SEC61A2: variants seen among roughly 807,000 people sequenced by gnomAD.
SEC61A2 encodes the protein protein transport protein Sec61 subunit alpha isoform 2.
In SEC61A2, 28 loss-of-function variants were observed where a neutral mutation model predicts 59.9. The ratio of observed to expected loss-of-function variants is 0.47; its 90% CI spans 0.35 to 0.64. The LOEUF (loss-of-function observed/expected upper bound fraction) is 0.64. SEC61A2 is among the 30% of genes least tolerant of loss of function. SEC61A2 has a pLI of 0.01. For missense variants in SEC61A2, 340 were observed against 585.9 expected, an observed-to-expected ratio of 0.58 and a Z score of 4.33; for synonymous variants, 202 against 214.4, an observed-to-expected ratio of 0.94 and a Z score of 0.50.
chr10:12,147,319 G>C (rs4750172), intron 4 of SEC61A2, among the ~76,000 whole-genome samples: 151,388 of 152,358 alleles, frequency 0.99, 75,224 homozygotes, highest in Middle Eastern at 1. Flanking sequence ...AGACTTTCTT[G>C]CCCAAGATGA....
Position 12,143,330 on chromosome 10 carries a change from T to G in SEC61A2, c.220+135T>G, listed in dbSNP as rs1834064848. On this transcript the variant is annotated intron_variant, in intron 4 of 11. Coordinates refer to ENST00000298428, the MANE Select transcript of SEC61A2 (RefSeq NM_018144.4). This position sits in a 1 kb window ranked among gnomAD's most constrained non-coding sequence, Gnocchi z 4.8. ...CTAGAAAAGCCTAGTATGTAGATAA[T>G]GACAACACCGTGTGATTAATGTAAT... The G allele has an allele frequency of 1.4e-6, 1 of 708,674 alleles. No individual in the cohort carries two copies. Among genetic ancestry groups the G allele is most frequent in the Admixed American group, 2.0e-5 (1 of 49,018 alleles). The allele number at this position is 708,674 out of a possible 1,614,324, so 43.9% of individuals were successfully genotyped here.
chr10:12,168,181 C>T (rs1290508217), downstream of SEC61A2, among the ~76,000 whole-genome samples: 3 of 152,038 alleles, frequency 2.0e-5, no homozygotes, highest in Non-Finnish European at 2.9e-5. The surrounding 1 kb of genome is among the most constrained non-coding windows in gnomAD (Gnocchi z 4.8). Context: ...CACGCCACCA[C>T]GCCCAGCTAA....
At chr10:12,163,007 A>G (rs1296868285) in intron 11 of SEC61A2, among the ~76,000 whole-genome samples, 1 of 152,184 alleles carries the variant, frequency 6.6e-6, no homozygotes, top group Admixed American at 6.5e-5. Flanking sequence ...CAGTTGATAG[A>G]AATCTGGGTT....
rs137961008 is a variant in SEC61A2 at position 12,149,300 on chromosome 10, G to A, written c.221-295G>A. On this transcript the variant is annotated intron_variant, in intron 4 of 11. Transcript: ENST00000298428. This position sits in a 1 kb window ranked among gnomAD's most constrained non-coding sequence, Gnocchi z 5.2. ...AGACGGGGTTTCTCCATGTTGTCCC[G>A]TTGGTCTCGAACTTCTGACCTCAGG... is the stretch of plus-strand genomic sequence containing the variant. Among the ~76,000 whole-genome samples, 9 of 152,132 alleles carry A rather than the reference G, an allele frequency of 5.9e-5. No homozygotes were observed. The highest frequency in any genetic ancestry group is 2.1e-4 in the South Asian group (1 of 4,820).
At chr10:12,136,908 G>A (rs150796369) in intron 3 of SEC61A2, among the ~76,000 whole-genome samples, 326 of 152,312 alleles carry the variant, frequency 2.1e-3, no homozygotes, top group Non-Finnish European at 3.8e-3. Context: ...GGTATTATAG[G>A]CGTGAGCCAC....
intron 6 of SEC61A2, among the ~76,000 whole-genome samples, chr10:12,150,926 C>T (rs958086627): frequency 6.6e-6 from 1 of 152,072 alleles, no homozygotes; most frequent in African/African-American, 2.4e-5. Flanking sequence ...AGGTGCCTGC[C>T]ACCACGCCCA....
At chr10:12,129,658 G>A (rs1337362167), upstream of SEC61A2, 3 of 864,954 alleles carry the variant, frequency 3.5e-6, no homozygotes, top group Non-Finnish European at 5.1e-6. This position sits in a 1 kb window ranked among gnomAD's most constrained non-coding sequence, Gnocchi z 5.6. Context: ...GAGTCTGCGC[G>A]GGGTTGGGCG....
At position 12,157,082 on chromosome 10, in the gene SEC61A2, T is replaced by C; in HGVS notation, c.777+15T>C. The C allele has an allele frequency of 1.2e-6, 2 of 1,606,824 alleles. No individual in the cohort carries two copies. Among genetic ancestry groups the C allele is most frequent in the East Asian group, 4.5e-5 (2 of 44,790 alleles). On this transcript the variant is annotated intron_variant, in intron 8 of 11. Transcript: ENST00000298428. ...TATATTTCCAAGTAAGTATAACCTTTTCACCAAAGTAAGTGGGATGTAGAT... is the reference window on the plus strand; with the variant it reads ...TATATTTCCAAGTAAGTATAACCTTCTCACCAAAGTAAGTGGGATGTAGAT...
rs765961376 is a variant in SEC61A2, at chr10:12,158,724, C to T, written c.975+619C>T. On this transcript the variant is annotated intron_variant, in intron 9 of 11. Coordinates refer to ENST00000298428, the MANE Select transcript of SEC61A2 (RefSeq NM_018144.4). This position sits in a 1 kb window ranked among gnomAD's most constrained non-coding sequence, Gnocchi z 5.7. ...CAGCCTGGGCGACAGAACGAGACTC[C>T]GTCTCCAAAAAATAAAAACAAAAAA... Among the ~76,000 whole-genome samples, 14 of 151,956 alleles carry T rather than the reference C, an allele frequency of 9.2e-5. No homozygotes were observed. The highest frequency in any genetic ancestry group is 2.1e-4 in the Non-Finnish European group (14 of 67,974).
chr10:12,132,562 C>CGAG (rs374380007), intron 1 of SEC61A2, among the ~76,000 whole-genome samples: 2 of 151,098 alleles, frequency 1.3e-5, no homozygotes, highest in African/African-American at 4.9e-5. Context: ...TGCACTGAGC[C>CGAG]GAGATCGTGC....
downstream of SEC61A2, chr10:12,167,655 A>G (rs1301841405): frequency 6.4e-7 from 1 of 1,555,126 alleles, no homozygotes; most frequent in Non-Finnish European, 8.8e-7. Flanking sequence ...TTAGTGAAGA[A>G]GGCCTGGTGG....
At chr10:12,157,880 C>T in intron 8 of SEC61A2, 28 bp from the exon 9 acceptor site, 1 of 1,606,168 alleles carries the variant, frequency 6.2e-7, no homozygotes, top group Non-Finnish European at 8.5e-7. Flanking sequence ...GTCTGGCTCC[C>T]CCACTTACTC....
chr10:12,130,252 G>C (rs1177459920), intron 1 of SEC61A2, among the ~76,000 whole-genome samples: 1 of 152,160 alleles, frequency 6.6e-6, no homozygotes, highest in African/African-American at 2.4e-5. Context: ...GTGTGCATTG[G>C]TAACAGCGTT....
Position 12,160,868 on chromosome 10 carries a change from C to T in SEC61A2, c.976-62C>T. On this transcript the variant is annotated intron_variant, in intron 9 of 11. Transcript: ENST00000298428. The surrounding 1 kb of genome is among the most constrained non-coding windows in gnomAD (Gnocchi z 4.1). ...GTCATTTCTGAGAAGTTTGAAGTGA[C>T]ATGCAAATGTATTCCTGACTAATTA... 1 of 1,380,940 alleles carries T rather than the reference C, an allele frequency of 7.2e-7. No individual in the cohort carries two copies. Among genetic ancestry groups the T allele is most frequent in the Non-Finnish European group, 1.0e-6 (1 of 1,002,818 alleles). The allele number at this position is 1,380,940 out of a possible 1,614,324, so 85.5% of individuals were successfully genotyped here.
intron 3 of SEC61A2, among the ~76,000 whole-genome samples, chr10:12,137,120 G>T (rs955279086): frequency 5.3e-5 from 8 of 151,012 alleles, no homozygotes; most frequent in Non-Finnish European, 1.2e-4. Flanking sequence ...TGCCCAGGCT[G>T]GTCTCCAGCT....
At chr10:12,131,500 AC>A (rs1430428158) in intron 1 of SEC61A2, among the ~76,000 whole-genome samples, 3 of 152,000 alleles carry the variant, frequency 2.0e-5, no homozygotes, top group Non-Finnish European at 4.4e-5. Context: ...TCCTTAAAGA[AC>A]CTTGATTTAT....
At chr10:12,148,966 A>G (rs1319841554) in intron 4 of SEC61A2, among the ~76,000 whole-genome samples, 1 of 152,246 alleles carries the variant, frequency 6.6e-6, no homozygotes, top group African/African-American at 2.4e-5. Context: ...TTATGAAAAC[A>G]GGATTGAAGG....
intron 2 of SEC61A2, among the ~76,000 whole-genome samples, chr10:12,135,130 A>T (rs935549859): frequency 1.2e-4 from 18 of 149,800 alleles, no homozygotes; most frequent in African/African-American, 4.4e-4. Context: ...GGGAGGGGGA[A>T]CATCACACAG....
At position 12,150,105 on chromosome 10, in the gene SEC61A2, C is replaced by T. The variant is rs532198691; in HGVS notation, c.462+144C>T. 56 of 611,432 alleles carry T rather than the reference C, an allele frequency of 9.2e-5. 1 individual carries two copies. In the South Asian group the frequency reaches 1.2e-3, roughly 13 times the overall value. The allele number at this position is 611,432 out of a possible 1,614,324, so 37.9% of individuals were successfully genotyped here. On this transcript the variant is annotated intron_variant, in intron 6 of 11. Transcript: ENST00000298428. ...TAGTATTTTGATCACTGAAGTGATA[C>T]GTGTAAAATTTTTTTAAAACCTTCT...
Sources: allele counts gnomAD v4.1 joint callset (sites outside exome capture counted in the v4.1 genomes callset), GRCh38; gene constraint gnomAD v4.1.1; non-coding constraint Gnocchi (gnomAD v3.1); transcripts MANE v1.5; gene names NCBI Gene and HGNC (gene_info 2026-07-23, HGNC 2026-07-21).